AGAP1: variants seen among roughly 807,000 people sequenced by gnomAD.
The protein encoded by AGAP1 is ArfGAP with GTPase domain, ankyrin repeat and PH domain 1, also known as arf-GAP with GTPase, ANK repeat and PH domain-containing protein 1.
Under a neutral mutation model 105.3 loss-of-function variants are expected in AGAP1, and 29 were observed. That is an observed-to-expected ratio of 0.28 (90% CI 0.21 to 0.38). The LOEUF is 0.38. Ranked by LOEUF, AGAP1 falls within the 10% of genes least tolerant of loss-of-function variation. The pLI, the probability that AGAP1 is intolerant of heterozygous loss-of-function variation, is 1.00. For missense variants in AGAP1, 998 were observed against 1,165.1 expected, an observed-to-expected ratio of 0.86 and a Z score of 2.09; for synonymous variants, 509 against 485.9, an observed-to-expected ratio of 1.05 and a Z score of -0.63.
rs983964082 is a variant in AGAP1, at chr2:235,625,241, G to T, written c.164-83938G>T. Among the ~76,000 whole-genome samples the T allele has an allele frequency of 6.6e-6, 1 of 152,162 alleles. No individual in the cohort carries two copies. Among genetic ancestry groups the T allele is most frequent in the African/African-American group, 2.4e-5 (1 of 41,440 alleles). On this transcript the variant is annotated intron_variant, in intron 1 of 17. Coordinates refer to ENST00000304032, the MANE Select transcript of AGAP1 (RefSeq NM_001037131.3). The surrounding 1 kb of genome is among the most constrained non-coding windows in gnomAD (Gnocchi z 4.0). The stretch of plus-strand genomic sequence containing the variant: ...CCAGCAGTCCCCTCTGCACATGCCT[G>T]AACTGCTTCAGGGCACCCTACAGGT...
chr2:235,912,075 G>A (rs1333904829), intron 11 of AGAP1, among the ~76,000 whole-genome samples: 1 of 152,214 alleles, frequency 6.6e-6, no homozygotes, highest in Non-Finnish European at 1.5e-5. Flanking sequence ...CTTCATTCTT[G>A]GGTTCTGAGA....
intron 6 of AGAP1, among the ~76,000 whole-genome samples, chr2:235,780,944 A>G (rs183018156): frequency 1.4e-4 from 21 of 152,318 alleles, no homozygotes; most frequent in Admixed American, 5.9e-4. Context: ...TGGCTTTAAA[A>G]TTTTACATGT....
intron 13 of AGAP1, among the ~76,000 whole-genome samples, chr2:235,975,853 A>T (rs1018124415): frequency 1.3e-5 from 2 of 152,188 alleles, no homozygotes; most frequent in African/African-American, 2.4e-5. Flanking sequence ...AGTCTCCACA[A>T]TCAGCTCCCT....
rs996049197 is a variant in AGAP1, at chr2:235,901,257, C to CTT, written c.1156-7479_1156-7478dup. Among the ~76,000 whole-genome samples, 1 of 151,170 alleles carries CTT rather than the reference C, an allele frequency of 6.6e-6. No individual in the cohort carries two copies. Among genetic ancestry groups the CTT allele is most frequent in the African/African-American group, 2.4e-5 (1 of 41,186 alleles). ...AATGGAGTTTGGGAATAGTAGTGAA[C>CTT]TTTACAATGGCTTCTCTTACATACT... On this transcript the variant is annotated intron_variant, in intron 10 of 17. Transcript: ENST00000304032. The surrounding 1 kb of genome is among the most constrained non-coding windows in gnomAD (Gnocchi z 4.3).
chr2:235,923,321 TCCTGA>T (rs1241698994), intron 11 of AGAP1, among the ~76,000 whole-genome samples: 1 of 152,188 alleles, frequency 6.6e-6, no homozygotes, highest in Non-Finnish European at 1.5e-5. Context: ...CTCTTACACT[TCCTGA>T]CCTGACCTCT....
At chr2:236,017,408 A>G (rs1458573454) in intron 13 of AGAP1, among the ~76,000 whole-genome samples, 1 of 152,172 alleles carries the variant, frequency 6.6e-6, no homozygotes, top group Non-Finnish European at 1.5e-5. Flanking sequence ...CACTGTCTAT[A>G]AAGTGACCCT....
chr2:235,669,608 G>A lies in AGAP1; in HGVS notation c.164-39571G>A, dbSNP rs1258190551. ...CGTCGCCCGCCCCGCCCCGGCGCGC[G>A]TTTCCATTTTAAACCGCCGCCCGCC... is the stretch of plus-strand genomic sequence containing the variant. On this transcript the variant is annotated intron_variant, in intron 1 of 17. Transcript: ENST00000304032. 3 of 145,746 alleles carry A rather than the reference G, an allele frequency of 2.1e-5. No homozygotes were observed. The East Asian group carries it at 6.1e-4, about 30-fold the overall frequency. 9.0% of individuals were successfully genotyped at this position (145,746 alleles called of 1,614,324 possible). A position where few individuals can be genotyped will look rare whatever the true frequency, so the allele number is the denominator to read the frequency against.
chr2:235,661,073 A>G (rs1453204671), intron 1 of AGAP1, among the ~76,000 whole-genome samples: 1 of 152,182 alleles, frequency 6.6e-6, no homozygotes, highest in Non-Finnish European at 1.5e-5. Context: ...TTGCAGGAGT[A>G]AGGATGGTTT....
intron 3 of AGAP1, among the ~76,000 whole-genome samples, chr2:235,738,887 A>G (rs886740773): frequency 6.6e-6 from 1 of 152,126 alleles, no homozygotes; most frequent in Non-Finnish European, 1.5e-5. Context: ...AAACAGTCAA[A>G]TTCAATTCAC....
chr2:235,673,591 G>C (rs1196325147), intron 1 of AGAP1, among the ~76,000 whole-genome samples: 1 of 152,214 alleles, frequency 6.6e-6, no homozygotes, highest in Non-Finnish European at 1.5e-5. Context: ...GTGCCAGTTA[G>C]AGTCTGGTTT....
rs1260190117 is a variant in AGAP1, at chr2:235,712,508, C to CA, written c.222+3272dup. ...GGGGACCTCAGTCCCCAGCTCCTCACATCCTATTTGTGTGTTTTCATTGAA... is the reference window on the plus strand; with the variant it reads ...GGGGACCTCAGTCCCCAGCTCCTCACAATCCTATTTGTGTGTTTTCATTGAA... On this transcript the variant is annotated intron_variant, in intron 2 of 17. Transcript: ENST00000304032. This position sits in a 1 kb window ranked among gnomAD's most constrained non-coding sequence, Gnocchi z 6.0. 1.3e-5 allele frequency among the ~76,000 whole-genome samples: 2 copies of CA among 152,242 alleles called. No homozygotes were observed. Among genetic ancestry groups the CA allele is most frequent in the African/African-American group, 4.8e-5 (2 of 41,468 alleles).
chr2:235,680,262 T>C (rs2149394602), intron 1 of AGAP1, among the ~76,000 whole-genome samples: 1 of 152,286 alleles, frequency 6.6e-6, no homozygotes, highest in East Asian at 1.9e-4. Flanking sequence ...GCTAAAATAT[T>C]AAGAATTCAA....
chr2:236,045,016 G>A lies in AGAP1; in HGVS notation c.1892-4043G>A, dbSNP rs1422227908. Among the ~76,000 whole-genome samples the A allele has an allele frequency of 6.6e-6, 1 of 152,148 alleles. No individual in the cohort carries two copies. Among genetic ancestry groups the A allele is most frequent in the Non-Finnish European group, 1.5e-5 (1 of 68,020 alleles). On this transcript the variant is annotated intron_variant, in intron 15 of 17. Coordinates refer to ENST00000304032, the MANE Select transcript of AGAP1 (RefSeq NM_001037131.3). The surrounding 1 kb of genome is among the most constrained non-coding windows in gnomAD (Gnocchi z 6.9). ...TGCAGCCTTGAACTCTTAGGCTCCA[G>A]CAATCCTCCCACCTCAGACTCCTGA...
intron 11 of AGAP1, among the ~76,000 whole-genome samples, chr2:235,929,585 TAC>T (rs1033886285): frequency 1.2e-4 from 18 of 151,166 alleles, no homozygotes; most frequent in African/African-American, 4.4e-4. Flanking sequence ...GTAGGGCTCG[TAC>T]ACTACGCTTC....
chr2:235,738,179 G>C (rs951188595), intron 3 of AGAP1, among the ~76,000 whole-genome samples: 5 of 152,248 alleles, frequency 3.3e-5, no homozygotes, highest in Admixed American at 2.6e-4. Flanking sequence ...AAGTGTGGGT[G>C]ATTTCAATGA....
In AGAP1 at chr2:236,073,875, C is replaced by T. The variant is rs1472741069; in HGVS notation, c.2114+24594C>T. ...CCCCCACCAGACCCCCAGAATCACA[C>T]TATGCTGGTTGGCCTGGGCATGCCC... is the stretch of plus-strand genomic sequence containing the variant. On this transcript the variant is annotated intron_variant, in intron 16 of 17. Coordinates refer to ENST00000304032, the MANE Select transcript of AGAP1 (RefSeq NM_001037131.3). The surrounding 1 kb of genome is among the most constrained non-coding windows in gnomAD (Gnocchi z 5.4). 6.6e-6 allele frequency among the ~76,000 whole-genome samples: 1 copy of T among 152,148 alleles called. No homozygotes were observed. The highest frequency in any genetic ancestry group is 1.5e-5 in the Non-Finnish European group (1 of 68,026).
chr2:235,521,907 C>T (rs773844247), intron 1 of AGAP1, among the ~76,000 whole-genome samples: 2 of 152,212 alleles, frequency 1.3e-5, no homozygotes, highest in East Asian at 1.9e-4. Flanking sequence ...CATGTAGTTT[C>T]GCTAAAGGTT....
intron 16 of AGAP1, chr2:236,049,638 T>C (rs985491248): frequency 6.0e-6 from 1 of 165,856 alleles, no homozygotes; most frequent in African/African-American, 2.4e-5. Context: ...AATTTTGTTA[T>C]TCTTATAGCT....
chr2:235,797,893 T>A lies in AGAP1; in HGVS notation c.801+7T>A. 1 of 1,614,054 alleles carries A rather than the reference T, an allele frequency of 6.2e-7. No homozygotes were observed. The highest frequency in any genetic ancestry group is 8.5e-7 in the Non-Finnish European group (1 of 1,180,008). On this transcript the variant is annotated splice_region_variant and intron_variant, in intron 7 of 17. Coordinates refer to ENST00000304032, the MANE Select transcript of AGAP1 (RefSeq NM_001037131.3). The stretch of plus-strand genomic sequence containing the variant: ...TGCCGTGCACATCAGCCAGGTACGT[T>A]AGGTGACATGAGAAGTCAGACTCTT...
Sources: gnomAD v4.1 joint callset for allele counts (sites outside exome capture counted in the v4.1 genomes callset) on GRCh38, gnomAD v4.1.1 for gene constraint, Gnocchi (gnomAD v3.1) non-coding constraint, MANE v1.5 for transcripts, NCBI Gene and HGNC (gene_info 2026-07-23, HGNC 2026-07-21) for gene names.